Variants in DMTF1 observed in about 807,000 individuals in gnomAD.
The protein encoded by DMTF1 is cyclin-D-binding Myb-like transcription factor 1.
In DMTF1, 39 loss-of-function variants were observed where a neutral mutation model predicts 91.1. The ratio of observed to expected loss-of-function variants is 0.43; its 90% CI spans 0.33 to 0.56. DMTF1 has a LOEUF of 0.56. Among genes scored for constraint, DMTF1 ranks in the 20% least tolerant of loss-of-function variants. DMTF1 has a pLI of 0.05. For synonymous variants in DMTF1, 338 were observed against 309.5 expected (o/e 1.09, Z -0.97); for missense variants, 750 against 914.5 (o/e 0.82, Z 2.32).
intron 14 of DMTF1, chr7:87,192,712 C>T (rs1219883512): frequency 6.6e-6 from 1 of 152,160 alleles, no homozygotes; most frequent in Non-Finnish European, 1.5e-5. Context: ...AATAGTTAAC[C>T]AGCTTTTTCA....
At chr7:87,183,876 G>C (rs936683763) in intron 10 of DMTF1, among the ~76,000 whole-genome samples, 1 of 152,190 alleles carries the variant, frequency 6.6e-6, no homozygotes, top group Non-Finnish European at 1.5e-5. Flanking sequence ...GCTTGGAGTT[G>C]GGATAGTGAG....
chr7:87,161,413 A>G (rs1165946532), intron 1 of DMTF1, among the ~76,000 whole-genome samples: 4 of 152,200 alleles, frequency 2.6e-5, no homozygotes, highest in Non-Finnish European at 4.4e-5. Context: ...GAGGCAGGAG[A>G]ATCACTTGAA....
Position 87,195,222 on chromosome 7 carries a change from C to A in DMTF1, c.*82C>A. The A allele has an allele frequency of 1.0e-6, 1 of 966,242 alleles. No individual in the cohort carries two copies. Among genetic ancestry groups the A allele is most frequent in the South Asian group, 1.5e-5 (1 of 67,016 alleles). The allele number at this position is 966,242 out of a possible 1,614,324, so 59.9% of individuals were successfully genotyped here. On this transcript the variant is annotated 3_prime_UTR_variant, in exon 18 of 18. Coordinates refer to ENST00000331242, the MANE Select transcript of DMTF1 (RefSeq NM_001142327.2). Reference sequence around the variant, plus strand: ...TCTTCAAAGAAATAGGAGCAACCCCCAAGAGGCTTAATTTACCAATTTAAA... The same window carrying A: ...TCTTCAAAGAAATAGGAGCAACCCCAAAGAGGCTTAATTTACCAATTTAAA...
In DMTF1 at chr7:87,194,043, G is replaced by C; in HGVS notation, c.1969G>C (p.Asp657His). The C allele has an allele frequency of 6.2e-7, 1 of 1,612,212 alleles. No individual in the cohort carries two copies. The highest frequency in any genetic ancestry group is 8.5e-7 in the Non-Finnish European group (1 of 1,179,184). The change falls in exon 16 of 18, where the codon GAC (aspartate) becomes CAC (histidine). Residue 657 changes from aspartate to histidine, a missense_variant. Transcript: ENST00000331242. ...VMVRTEEEIS[D>H]TDLKQEESPS... ...GGTCAGAACAGAAGAAGAAATCTCTGACACCGACCTTAAACAAGAGGAATC... is the reference window on the plus strand; with the variant it reads ...GGTCAGAACAGAAGAAGAAATCTCTCACACCGACCTTAAACAAGAGGAATC...
chr7:87,174,762 T>G, intron 7 of DMTF1, 93 bp downstream of exon 7: 2 of 690,448 alleles, frequency 2.9e-6, no homozygotes, highest in Non-Finnish European at 4.7e-6. Context: ...TATTAGGAGC[T>G]TTTTACTTAT....
intron 13 of DMTF1, among the ~76,000 whole-genome samples, chr7:87,190,702 C>T (rs1799544901): frequency 6.6e-6 from 1 of 152,006 alleles, no homozygotes; most frequent in Non-Finnish European, 1.5e-5. Context: ...ACTTTATTTA[C>T]AAAAACTGGC....
chr7:87,164,102 T>C (rs989417853), intron 2 of DMTF1, among the ~76,000 whole-genome samples: 2 of 149,600 alleles, frequency 1.3e-5, no homozygotes, highest in Non-Finnish European at 3.0e-5. Flanking sequence ...TGAGTAATTA[T>C]ATCAGGGTTT....
intron 11 of DMTF1, chr7:87,185,061 C>G (rs1297650850): frequency 3.0e-6 from 1 of 333,724 alleles, no homozygotes; most frequent in Non-Finnish European, 6.0e-6. Context: ...CTGTAGTTAC[C>G]TCCACACCTC....
intron 10 of DMTF1, 106 bp downstream of exon 10, chr7:87,182,443 C>T (rs975871165): frequency 4.0e-6 from 4 of 993,288 alleles, no homozygotes; most frequent in Non-Finnish European, 6.1e-6. Context: ...GATCATTCAC[C>T]TTAGTTCAGA....
At chr7:87,159,451 A>C (rs544977224) in intron 1 of DMTF1, among the ~76,000 whole-genome samples, 2 of 152,132 alleles carry the variant, frequency 1.3e-5, no homozygotes, top group Non-Finnish European at 2.9e-5. Flanking sequence ...TCTCAAGCAG[A>C]TCGTCCATGG....
chr7:87,192,952 A>G (rs1170598280), intron 14 of DMTF1: 2 of 427,866 alleles, frequency 4.7e-6, no homozygotes, highest in Non-Finnish European at 8.5e-6. Context: ...AGTGGCTCAT[A>G]CAACTGTCTT....
chr7:87,179,794 A>G (rs1459588370), intron 8 of DMTF1, 92 bp downstream of exon 8: 5 of 1,206,288 alleles, frequency 4.1e-6, no homozygotes, highest in Non-Finnish European at 4.6e-6. Flanking sequence ...AATATGGTCA[A>G]GGTATTAATT....
chr7:87,179,802 A>G, intron 8 of DMTF1, 100 bp downstream of exon 8: 1 of 1,115,782 alleles, frequency 9.0e-7, no homozygotes, highest in Non-Finnish European at 1.3e-6. Context: ...CAAGGTATTA[A>G]TTGTTGTTAA....
At chr7:87,174,205 C>T (rs112940339) in intron 6 of DMTF1, among the ~76,000 whole-genome samples, 9 of 152,250 alleles carry the variant, frequency 5.9e-5, no homozygotes, top group African/African-American at 2.2e-4. Flanking sequence ...TTACCTTGCC[C>T]TAGAGTTTTT....
intron 4 of DMTF1, among the ~76,000 whole-genome samples, chr7:87,168,969 T>A (rs1395063629): frequency 2.0e-5 from 3 of 152,180 alleles, no homozygotes; most frequent in African/African-American, 7.2e-5. Context: ...CACAAATACA[T>A]ACCTACCTGC....
intron 9 of DMTF1, 151 bp downstream of exon 9, chr7:87,181,492 T>C: frequency 2.1e-6 from 1 of 466,194 alleles, no homozygotes; most frequent in Non-Finnish European, 4.0e-6. Flanking sequence ...TCACATCAAA[T>C]CCATTACTTG....
chr7:87,160,040 C>T (rs571312782), intron 1 of DMTF1, among the ~76,000 whole-genome samples: 2 of 152,022 alleles, frequency 1.3e-5, no homozygotes, highest in East Asian at 3.9e-4. Flanking sequence ...GGGAGGGATT[C>T]CAAAAGTTGT....
chr7:87,189,979 T>G lies in DMTF1; in HGVS notation c.1412-966T>G, dbSNP rs540616434. Among the ~76,000 whole-genome samples, 3 of 152,242 alleles carry G rather than the reference T, an allele frequency of 2.0e-5. No homozygotes were observed. The East Asian group carries it at 5.8e-4, about 29-fold the overall frequency. ...TATTGGTAAGGGCATTAGATTCCTT[T>G]TAAATAGCTGAGAAGTGTTGTAGTC... On this transcript the variant is annotated intron_variant, in intron 13 of 17. Coordinates refer to ENST00000331242, the MANE Select transcript of DMTF1 (RefSeq NM_001142327.2).
intron 14 of DMTF1, among the ~76,000 whole-genome samples, chr7:87,191,847 TAAG>T (rs574263797): frequency 2.0e-4 from 31 of 152,242 alleles, no homozygotes; most frequent in African/African-American, 7.0e-4. Flanking sequence ...CATATTTCCT[TAAG>T]AAAATAAAAA....
Sources: allele counts gnomAD v4.1 joint callset (sites outside exome capture counted in the v4.1 genomes callset), GRCh38; gene constraint gnomAD v4.1.1; transcripts MANE v1.5; gene names NCBI Gene and HGNC (gene_info 2026-07-23, HGNC 2026-07-21).